SEC24A: variants seen among roughly 807,000 people sequenced by gnomAD.
SEC24A encodes the protein protein transport protein Sec24A.
SEC24A carries 93 observed loss-of-function variants against 129.4 expected under a neutral mutation model. The observed-to-expected ratio is 0.72, with a 90% CI of 0.61 to 0.85. The LOEUF (loss-of-function observed/expected upper bound fraction) is 0.85, where lower values mean the gene tolerates loss of function less well. Ranked by LOEUF, SEC24A falls within the 40% of genes least tolerant of loss-of-function variation. The pLI, the probability that SEC24A is intolerant of heterozygous loss-of-function variation, is 0.00. For missense variants in SEC24A, 1,264 were observed against 1,307.4 expected (o/e 0.97, Z 0.51); for synonymous variants, 460 against 467.3 (o/e 0.98, Z 0.20).
chr5:134,674,860 T>C, intron 5 of SEC24A, 85 bp downstream of exon 5: 7 of 1,219,192 alleles, frequency 5.7e-6, no homozygotes, highest in Non-Finnish European at 7.9e-6. Context: ...GAAGGTATAT[T>C]ATACATTTTT....
At chr5:134,655,748 C>T (rs909881747) in intron 1 of SEC24A, among the ~76,000 whole-genome samples, 2 of 152,210 alleles carry the variant, frequency 1.3e-5, no homozygotes, top group East Asian at 1.9e-4. Flanking sequence ...TCTCATTTTC[C>T]GAGCTGCATT....
At chr5:134,713,369 C>T (rs981262861) in intron 18 of SEC24A, among the ~76,000 whole-genome samples, 6 of 152,134 alleles carry the variant, frequency 3.9e-5, no homozygotes, top group African/African-American at 1.4e-4. Flanking sequence ...CCCCATCCCT[C>T]ACCATCCTGA....
In SEC24A at chr5:134,675,088, T is replaced by G. The variant is rs1251897530; in HGVS notation, c.1022T>G (p.Leu341Ter). The change falls in exon 6 of 23, where the codon TTA becomes TGA. Residue 341 changes from leucine (L) to a stop codon, truncating the protein, a stop_gained. Coordinates refer to ENST00000398844, the MANE Select transcript of SEC24A (RefSeq NM_021982.3). LOFTEE classifies it high-confidence loss of function. ...ANHLTTSMSG[L>*]SLQPEGLRVV... ...CATTTAACCACAAGCATGAGTGGATTAAGTCTACAACCAGAGGGTCTAAGA... is the reference window on the plus strand; with the variant it reads ...CATTTAACCACAAGCATGAGTGGATGAAGTCTACAACCAGAGGGTCTAAGA... 1.2e-6 allele frequency: 2 copies of G among 1,611,868 alleles called. No individual in the cohort carries two copies. Among genetic ancestry groups the G allele is most frequent in the Non-Finnish European group, 1.7e-6 (2 of 1,178,546 alleles).
intron 8 of SEC24A, among the ~76,000 whole-genome samples, chr5:134,680,238 A>G (rs1212845492): frequency 2.0e-5 from 3 of 152,238 alleles, no homozygotes; most frequent in African/African-American, 7.2e-5. Flanking sequence ...AATGTAATCA[A>G]CAGGGTTCTG....
intron 6 of SEC24A, 55 bp downstream of exon 6, chr5:134,675,272 AG>A (rs546634254): frequency 3.7e-6 from 5 of 1,362,846 alleles, no homozygotes; most frequent in Non-Finnish European, 5.1e-6. Context: ...AGCTTTTTGC[AG>A]GGGGCACATC....
chr5:134,674,486 G>A (rs765947086), intron 4 of SEC24A, 129 bp from the exon 5 acceptor site: 18 of 716,612 alleles, frequency 2.5e-5, no homozygotes, highest in Non-Finnish European at 4.0e-5. Context: ...GCAGTGAGGT[G>A]TGATTGCACC....
intron 4 of SEC24A, among the ~76,000 whole-genome samples, chr5:134,672,745 A>AT (rs998822292): frequency 2.0e-3 from 287 of 145,758 alleles, no homozygotes; most frequent in African/African-American, 5.6e-3. Context: ...TACTTTTAGG[A>AT]TTTTTTTTTT....
Position 134,648,840 on chromosome 5 carries a change from G to A in SEC24A, c.-237G>A, listed in dbSNP as rs1040879002. ...TAGGTTTGGCTGCCGCCTTCTAGCCGGGCGTTCGCGGCCCCGCCGGCCCGA... is the reference window on the plus strand; with the variant it reads ...TAGGTTTGGCTGCCGCCTTCTAGCCAGGCGTTCGCGGCCCCGCCGGCCCGA... On this transcript the variant is annotated 5_prime_UTR_variant, in exon 1 of 23. Transcript: ENST00000398844. The A allele has an allele frequency of 2.4e-5, 9 of 377,154 alleles. No homozygotes were observed. The highest frequency in any genetic ancestry group is 6.3e-5 in the South Asian group (1 of 15,828). 23.4% of individuals were successfully genotyped at this position (377,154 alleles called of 1,614,324 possible). A position where few individuals can be genotyped will look rare whatever the true frequency, so the allele number is the denominator to read the frequency against.
Position 134,715,078 on chromosome 5 carries a change from T to C in SEC24A, c.2782T>C (p.Cys928Arg). Residue 928 changes from cysteine to arginine, a missense_variant, in exon 19 of 23, where the codon TGT (cysteine) becomes CGT (arginine). Transcript: ENST00000398844. ...TCTAGATGAACGCATTTTTGCTATG[T>C]GTCAAGTGAAAAACCAGCCCTTGGT... ...ARLDERIFAMCQVKNQPLVYL... is the reference protein window; with the variant it reads ...ARLDERIFAMRQVKNQPLVYL... 6.2e-7 allele frequency: 1 copy of C among 1,612,820 alleles called. No homozygotes were observed.
intron 1 of SEC24A, among the ~76,000 whole-genome samples, chr5:134,659,215 G>A (rs1024000437): frequency 6.6e-6 from 1 of 151,774 alleles, no homozygotes; most frequent in African/African-American, 2.4e-5. Flanking sequence ...GGGACTACAG[G>A]CACCCGCCAC....
intron 22 of SEC24A, among the ~76,000 whole-genome samples, chr5:134,724,349 G>A (rs1345304487): frequency 6.6e-6 from 1 of 152,178 alleles, no homozygotes; most frequent in Non-Finnish European, 1.5e-5. Context: ...AGCACTTTGA[G>A]AGGTCGAGGC....
rs950788799 is a variant in SEC24A at position 134,659,315 on chromosome 5, G to A, written c.98-1804G>A. Among the ~76,000 whole-genome samples the A allele has an allele frequency of 1.3e-4, 19 of 151,822 alleles. No homozygotes were observed. The South Asian group carries it at 2.3e-3, about 18-fold the overall frequency. ...TCTTGATCTCCTGACCTCGTGATCC[G>A]CCCGCCTTGGCCTCCCAAAGTGCTG... On this transcript the variant is annotated intron_variant, in intron 1 of 22. Transcript: ENST00000398844.
intron 9 of SEC24A, among the ~76,000 whole-genome samples, chr5:134,685,105 C>T (rs1032984625): frequency 4.6e-5 from 7 of 152,084 alleles, no homozygotes; most frequent in Non-Finnish European, 7.4e-5. Context: ...CATGGTGGCT[C>T]ACACCTATAA....
chr5:134,676,332 G>A (rs553601688), intron 7 of SEC24A, among the ~76,000 whole-genome samples: 1 of 151,224 alleles, frequency 6.6e-6, no homozygotes, highest in East Asian at 1.9e-4. Flanking sequence ...TAGAGAGGGG[G>A]TTTCACCATC....
chr5:134,707,357 T>C (rs1752195260), intron 17 of SEC24A, among the ~76,000 whole-genome samples: 1 of 150,808 alleles, frequency 6.6e-6, no homozygotes, highest in African/African-American at 2.4e-5. Context: ...TGAGGTGGAG[T>C]CTCACTCTAT....
At chr5:134,687,249 T>TC (rs2150092126) in intron 10 of SEC24A, among the ~76,000 whole-genome samples, 1 of 152,316 alleles carries the variant, frequency 6.6e-6, no homozygotes, top group African/African-American at 2.4e-5. Flanking sequence ...TATACGTACT[T>TC]CAAGACTAAC....
chr5:134,661,320 T>C lies in SEC24A; in HGVS notation c.299T>C (p.Leu100Pro). ...PVASNPVTPS[L>P]HSGPAPRMPL... ...GCCTCTAATCCAGTGACACCTTCGC[T>C]TCATAGTGGTCCTGCTCCCCGAATG... Residue 100 changes from leucine (L) to proline (P), a missense_variant, in exon 2 of 23, where the codon CTT (leucine) becomes CCT (proline). Physicochemically the swap from Leu to Pro is moderately conservative, Grantham distance 98. Transcript: ENST00000398844. 1 of 1,614,160 alleles carries C rather than the reference T, an allele frequency of 6.2e-7. No individual in the cohort carries two copies. Among genetic ancestry groups the C allele is most frequent in the Non-Finnish European group, 8.5e-7 (1 of 1,180,034 alleles).
At chr5:134,705,990 C>T (rs1298310785) in intron 17 of SEC24A, among the ~76,000 whole-genome samples, 4 of 151,326 alleles carry the variant, frequency 2.6e-5, no homozygotes, top group Admixed American at 2.0e-4. Context: ...TGGGTTCAAG[C>T]GATTCTCCTG....
chr5:134,703,313 G>C (rs1035098593), intron 15 of SEC24A, among the ~76,000 whole-genome samples: 1 of 151,944 alleles, frequency 6.6e-6, no homozygotes, highest in Non-Finnish European at 1.5e-5. Context: ...TGTCGCCCAG[G>C]CTGGAGTGCA....
Sources: gnomAD v4.1 joint callset for allele counts (sites outside exome capture counted in the v4.1 genomes callset) on GRCh38, gnomAD v4.1.1 for gene constraint, MANE v1.5 for transcripts, NCBI Gene and HGNC (gene_info 2026-07-23, HGNC 2026-07-21) for gene names.